MAST2: variants seen among roughly 807,000 people sequenced by gnomAD.
MAST2 encodes the protein microtubule associated serine/threonine kinase 2, also known as microtubule-associated serine/threonine-protein kinase 2.
MAST2 carries 70 observed loss-of-function variants against 147.4 expected under a neutral mutation model. The observed-to-expected ratio is 0.47, with a 90% CI of 0.39 to 0.58. The LOEUF (loss-of-function observed/expected upper bound fraction) is 0.58. MAST2 is among the 20% of genes least tolerant of loss of function. The probability of loss-of-function intolerance (pLI) is 0.00; values close to 1 mark genes in which losing one functional copy is unlikely to be tolerated. For synonymous variants in MAST2, 869 were observed against 896.8 expected (o/e 0.97, Z 0.55); for missense variants, 2,080 against 2,302.3 (o/e 0.90, Z 1.98).
intron 3 of MAST2, among the ~76,000 whole-genome samples, chr1:45,851,633 T>C (rs550512364): frequency 1.3e-4 from 20 of 152,268 alleles, no homozygotes; most frequent in African/African-American, 4.3e-4. Flanking sequence ...TTTTGAGATA[T>C]GTTCCTTGGA....
At chr1:45,930,234 C>A (rs1035881597) in intron 4 of MAST2, among the ~76,000 whole-genome samples, 3 of 152,064 alleles carry the variant, frequency 2.0e-5, no homozygotes, top group Non-Finnish European at 4.4e-5. Context: ...CCCACCACCA[C>A]GCCTGGCTAA....
At chr1:45,910,770 G>C (rs1188933517) in intron 4 of MAST2, among the ~76,000 whole-genome samples, 1 of 152,168 alleles carries the variant, frequency 6.6e-6, no homozygotes, top group Non-Finnish European at 1.5e-5. Flanking sequence ...CTTTTATTCT[G>C]ACACCCTGTG....
At chr1:45,820,743 T>A (rs774131484) in intron 1 of MAST2, among the ~76,000 whole-genome samples, 4 of 151,936 alleles carry the variant, frequency 2.6e-5, no homozygotes, top group Admixed American at 6.6e-5. Context: ...CAGATGGCCT[T>A]AAGTTTCTGT....
At chr1:45,927,083 A>G (rs988771880) in intron 4 of MAST2, among the ~76,000 whole-genome samples, 6 of 152,184 alleles carry the variant, frequency 3.9e-5, no homozygotes, top group Non-Finnish European at 2.9e-5. Flanking sequence ...CACAAGCCAC[A>G]AAAACCAGCA....
chr1:45,980,117 T>G (rs1644340302), intron 5 of MAST2, among the ~76,000 whole-genome samples: 1 of 151,818 alleles, frequency 6.6e-6, no homozygotes, highest in South Asian at 2.1e-4. Flanking sequence ...AAAACTCATC[T>G]CTACTAAAAA....
chr1:45,896,540 A>G (rs983541031), intron 4 of MAST2, among the ~76,000 whole-genome samples: 2 of 152,126 alleles, frequency 1.3e-5, no homozygotes, highest in Admixed American at 6.5e-5. Context: ...CATGAAGTCA[A>G]TATTTCTTGC....
intron 3 of MAST2, among the ~76,000 whole-genome samples, chr1:45,832,345 G>C (rs566113247): frequency 1.3e-5 from 2 of 150,406 alleles, no homozygotes; most frequent in Admixed American, 1.3e-4. Context: ...CTGTTGTCCA[G>C]TCTGGAGTGC....
rs148570657 is a variant in MAST2 at position 45,873,076 on chromosome 1, T to C, written c.469-9288T>C. The stretch of plus-strand genomic sequence containing the variant: ...ACCTTGAATATTTGGGGTGGAGTGA[T>C]AGGGATGGAGTATTGGGGGTGGGGT... On this transcript the variant is annotated intron_variant, in intron 3 of 28. Transcript: ENST00000361297. Among the ~76,000 whole-genome samples the C allele has an allele frequency of 1.6e-3, 240 of 152,190 alleles. 4 individuals carry two copies. In the East Asian group the frequency reaches 0.043, roughly 27 times the overall value.
chr1:45,975,503 A>C (rs867536501), intron 5 of MAST2, among the ~76,000 whole-genome samples: 30,906 of 120,414 alleles, frequency 0.26, 4,697 homozygotes, highest in South Asian at 0.32. Context: ...TCCAAAAAAA[A>C]AAAAAAAAAA....
intron 10 of MAST2, among the ~76,000 whole-genome samples, chr1:46,017,487 C>A (rs911214383): frequency 2.6e-5 from 4 of 152,122 alleles, no homozygotes; most frequent in African/African-American, 9.7e-5. Context: ...AAAAAACAAC[C>A]CCATCAAAAA....
rs528591142 is a variant in MAST2 at position 45,834,306 on chromosome 1, A to G, written c.468+4725A>G. On this transcript the variant is annotated intron_variant, in intron 3 of 28. Transcript: ENST00000361297. ...TATAATTATTGGAATGATAACTGGTAGGAGGTTAGACTTGACCAGAGTCTG... is the reference window on the plus strand; with the variant it reads ...TATAATTATTGGAATGATAACTGGTGGGAGGTTAGACTTGACCAGAGTCTG... Among the ~76,000 whole-genome samples the G allele has an allele frequency of 2.0e-5, 3 of 152,336 alleles. No individual in the cohort carries two copies. In the East Asian group the frequency reaches 5.8e-4, roughly 29 times the overall value.
intron 4 of MAST2, among the ~76,000 whole-genome samples, chr1:45,936,475 C>T (rs1656210637): frequency 6.6e-6 from 1 of 152,090 alleles, no homozygotes. Flanking sequence ...TTTTGCCCAG[C>T]ATGATGTTAC....
Position 46,030,656 on chromosome 1 carries a change from C to A in MAST2, c.2603C>A (p.Pro868Gln), listed in dbSNP as rs1476644000. 2.5e-6 allele frequency: 4 copies of A among 1,611,624 alleles called. No individual in the cohort carries two copies. In the South Asian group the frequency reaches 3.3e-5, roughly 13 times the overall value. The change falls in exon 22 of 29, where the codon CCA becomes CAA. Residue 868 changes from proline to glutamine, a missense_variant. Pro to Gln is a moderately conservative substitution (Grantham distance 76). This residue lies in a region of MAST2 where 1,278 missense variants were observed against 1,304.2 expected (regional missense o/e 0.98). Coordinates refer to ENST00000361297, the MANE Select transcript of MAST2 (RefSeq NM_015112.3). ...TCACTGCTCGAGGAGCGCCGGACAC[C>A]ACCCCCGACCAAGCGCAGCCTGAGT... Reference protein sequence around the residue: ...RLSLLEERRTPPPTKRSLSEE... With the variant: ...RLSLLEERRTQPPTKRSLSEE...
intron 5 of MAST2, among the ~76,000 whole-genome samples, chr1:45,992,241 A>C (rs1644882052): frequency 6.6e-6 from 1 of 152,202 alleles, no homozygotes; most frequent in South Asian, 2.1e-4. Context: ...AGTTTTTATC[A>C]AAAAAGTTTT....
At chr1:45,987,310 C>T (rs963160786) in intron 5 of MAST2, among the ~76,000 whole-genome samples, 2 of 151,472 alleles carry the variant, frequency 1.3e-5, no homozygotes, top group South Asian at 4.2e-4. Context: ...TGTGTATGTT[C>T]TTTGTTGGGT....
At chr1:45,885,290 G>T (rs1372398180) in intron 4 of MAST2, among the ~76,000 whole-genome samples, 1 of 152,122 alleles carries the variant, frequency 6.6e-6, no homozygotes, top group Admixed American at 6.6e-5. Context: ...GGTTATAAAG[G>T]CCCGTTTCCT....
At chr1:45,852,899 A>AT (rs35456463) in intron 3 of MAST2, among the ~76,000 whole-genome samples, 8 of 152,012 alleles carry the variant, frequency 5.3e-5, no homozygotes, top group Non-Finnish European at 7.4e-5. Flanking sequence ...CTGGCAATGG[A>AT]TTTTTTTAAA....
At chr1:45,960,018 A>G (rs1342859086) in intron 5 of MAST2, among the ~76,000 whole-genome samples, 5 of 152,050 alleles carry the variant, frequency 3.3e-5, no homozygotes, top group African/African-American at 1.2e-4. Context: ...TGATCCTCCC[A>G]CCTCATCCTC....
At chr1:45,898,165 T>C (rs985520111) in intron 4 of MAST2, among the ~76,000 whole-genome samples, 1 of 152,026 alleles carries the variant, frequency 6.6e-6, no homozygotes, top group Admixed American at 6.6e-5. Flanking sequence ...ATTATAGTAG[T>C]TATACAAGTG....
Sources: allele counts gnomAD v4.1 joint callset (sites outside exome capture counted in the v4.1 genomes callset), GRCh38; gene constraint gnomAD v4.1.1; regional missense constraint gnomAD v4.1.1; transcripts MANE v1.5; gene names NCBI Gene and HGNC (gene_info 2026-07-23, HGNC 2026-07-21).